DGKI: variants seen among roughly 807,000 people sequenced by gnomAD.
The protein encoded by DGKI is diacylglycerol kinase iota.
A neutral mutation model predicts 147.5 loss-of-function variants in DGKI; 55 were observed. The observed-to-expected ratio is 0.37, with a 90% confidence interval of 0.30 to 0.47. The LOEUF (loss-of-function observed/expected upper bound fraction) is 0.47, where lower values mean the gene tolerates loss of function less well. DGKI is among the 20% of genes least tolerant of loss of function. The pLI is 1.00. For missense variants in DGKI, 1,007 were observed against 1,323.8 expected (o/e 0.76, Z 3.71); for synonymous variants, 469 against 477.1 (o/e 0.98, Z 0.22).
intron 2 of DGKI, among the ~76,000 whole-genome samples, chr7:137,689,667 T>C (rs1168580121): frequency 1.3e-5 from 2 of 152,226 alleles, no homozygotes; most frequent in Non-Finnish European, 2.9e-5. Flanking sequence ...ATACTTCAAA[T>C]GATTCAGGAA....
chr7:137,412,181 C>T lies in DGKI; in HGVS notation c.2788G>A (p.Asp930Asn). 1 of 1,613,990 alleles carries T rather than the reference C, an allele frequency of 6.2e-7. No homozygotes were observed. Among genetic ancestry groups the T allele is most frequent in the Non-Finnish European group, 8.5e-7 (1 of 1,179,874 alleles). The change falls in exon 29 of 33, where the codon GAT (aspartate) becomes AAT (asparagine). Residue 930 changes from aspartate to asparagine, a missense_variant. Asp to Asn is a conservative substitution (Grantham distance 23). Transcript: ENST00000614521. ...GGAAGATATCTTACCTTCATAAGATCACCAGCTATTACTGCCTGCAAAATT... is the reference window on the plus strand; with the variant it reads ...GGAAGATATCTTACCTTCATAAGATTACCAGCTATTACTGCCTGCAAAATT... ...HAILQAVIAG[D>N]LMKLIESYKN...
At chr7:137,784,548 C>T (rs1383676127) in intron 1 of DGKI, among the ~76,000 whole-genome samples, 2 of 152,100 alleles carry the variant, frequency 1.3e-5, no homozygotes, top group Non-Finnish European at 2.9e-5. Context: ...ACTCCACTGA[C>T]AGCACTAGAC....
chr7:137,777,002 C>G (rs955528374), intron 1 of DGKI, among the ~76,000 whole-genome samples: 1 of 151,928 alleles, frequency 6.6e-6, no homozygotes, highest in African/African-American at 2.4e-5. Context: ...CTGGGAAACA[C>G]AGCAAGACCC....
intron 1 of DGKI, among the ~76,000 whole-genome samples, chr7:137,811,378 TCTCTCTCACA>T: frequency 9.8e-6 from 1 of 102,338 alleles, no homozygotes; most frequent in African/African-American, 3.6e-5. Context: ...TCTCTCTCTC[TCTCTCTCACA>T]CACACACACA....
At chr7:137,495,060 A>C (rs1815911872) in intron 21 of DGKI, among the ~76,000 whole-genome samples, 1 of 152,152 alleles carries the variant, frequency 6.6e-6, no homozygotes, top group African/African-American at 2.4e-5. Context: ...GAACAACATT[A>C]CATAATGGTA....
rs1325769784 is a variant in DGKI, at chr7:137,386,121, T to C, written c.*5099A>G. On this transcript the variant is annotated 3_prime_UTR_variant, in exon 33 of 33. Coordinates refer to ENST00000614521, the MANE Select transcript of DGKI (RefSeq NM_001321708.2). ...GAAGATACCATTCAATTTTCACGTT[T>C]CTATTTTAAAATCCATGCTACAAGA... 5 of 152,134 alleles carry C rather than the reference T, an allele frequency of 3.3e-5. No individual in the cohort carries two copies. The East Asian group carries it at 9.6e-4, about 29-fold the overall frequency. 9.4% of individuals were successfully genotyped at this position (152,134 alleles called of 1,614,324 possible). A position where few individuals can be genotyped will look rare whatever the true frequency, so the allele number is the denominator to read the frequency against.
At chr7:137,480,586 C>A (rs540645858) in intron 23 of DGKI, among the ~76,000 whole-genome samples, 1 of 145,834 alleles carries the variant, frequency 6.9e-6, no homozygotes, top group African/African-American at 2.7e-5. Context: ...TCCGATCTGA[C>A]CAAGAGGTTG....
chr7:137,757,977 T>C (rs1795740374), intron 1 of DGKI, among the ~76,000 whole-genome samples: 1 of 152,242 alleles, frequency 6.6e-6, no homozygotes, highest in Non-Finnish European at 1.5e-5. Context: ...TCAGTCTTCT[T>C]AATGTTTTCT....
chr7:137,724,725 GTTTAAGATGCCTACAAGAC>G (rs1326929727), intron 1 of DGKI, among the ~76,000 whole-genome samples: 1 of 152,188 alleles, frequency 6.6e-6, no homozygotes, highest in African/African-American at 2.4e-5. Context: ...AACAAATTGA[GTTTAAGATGCCTACAAGAC>G]TTCTAAGCAG....
intron 1 of DGKI, among the ~76,000 whole-genome samples, chr7:137,821,162 A>G (rs1797885790): frequency 1.3e-5 from 2 of 152,224 alleles, no homozygotes; most frequent in South Asian, 4.1e-4. Flanking sequence ...GAAAACTGGG[A>G]GAACACAGGC....
chr7:137,418,860 C>T (rs1404470783), intron 28 of DGKI, among the ~76,000 whole-genome samples: 2 of 152,316 alleles, frequency 1.3e-5, no homozygotes, highest in East Asian at 3.9e-4. Flanking sequence ...GTTCTGTGAA[C>T]TTTTACTCCT....
chr7:137,577,355 C>T (rs1041431668), intron 16 of DGKI, 71 bp from the exon 17 acceptor site: 1 of 1,096,374 alleles, frequency 9.1e-7, no homozygotes, highest in South Asian at 1.4e-5. Flanking sequence ...GCTTCCATAT[C>T]CTAGATTCCA....
chr7:137,758,557 G>C (rs1447988440), intron 1 of DGKI, among the ~76,000 whole-genome samples: 2 of 152,014 alleles, frequency 1.3e-5, no homozygotes, highest in East Asian at 3.9e-4. Flanking sequence ...ATGATGGTGA[G>C]TGCCTGTAAT....
At chr7:137,428,977 C>G (rs1168356345) in intron 28 of DGKI, among the ~76,000 whole-genome samples, 1 of 151,982 alleles carries the variant, frequency 6.6e-6, no homozygotes, top group African/African-American at 2.4e-5. Flanking sequence ...GCCATACTGC[C>G]CAAGGTAATT....
At chr7:137,678,304 T>G (rs1823107374) in intron 3 of DGKI, among the ~76,000 whole-genome samples, 9 of 152,134 alleles carry the variant, frequency 5.9e-5, no homozygotes, top group Admixed American at 5.9e-4. Context: ...CAACCTACCC[T>G]GGGCATCATT....
rs758652473 is a variant in DGKI, at chr7:137,404,856, G to A, written c.2920+3019C>T. Among the ~76,000 whole-genome samples, 7 of 152,242 alleles carry A rather than the reference G, an allele frequency of 4.6e-5. No homozygotes were observed. In the South Asian group the frequency reaches 1.2e-3, roughly 27 times the overall value. On this transcript the variant is annotated intron_variant, in intron 30 of 32. Coordinates refer to ENST00000614521, the MANE Select transcript of DGKI (RefSeq NM_001321708.2). ...TCAGTCTTGCAAGAGTCAATGCGGG[G>A]TGATGAGAAACTGATTTGTATTGGA...
At chr7:137,662,308 A>G (rs1029916955) in intron 3 of DGKI, among the ~76,000 whole-genome samples, 1 of 133,518 alleles carries the variant, frequency 7.5e-6, no homozygotes, top group Non-Finnish European at 1.5e-5. Context: ...CAGTGGCGGG[A>G]TCTCGGCTCA....
chr7:137,431,788 A>C (rs1302326259), intron 28 of DGKI, among the ~76,000 whole-genome samples: 3 of 152,162 alleles, frequency 2.0e-5, no homozygotes, highest in Admixed American at 6.5e-5. Flanking sequence ...CCAGGGGGAA[A>C]CCCAGGCCTG....
chr7:137,723,785 C>T (rs148001348), intron 1 of DGKI, among the ~76,000 whole-genome samples: 76 of 140,624 alleles, frequency 5.4e-4, no homozygotes, highest in African/African-American at 2.0e-3. Flanking sequence ...TCTTGGCTCA[C>T]TGCAAACTCC....
Sources: allele counts gnomAD v4.1 joint callset (sites outside exome capture counted in the v4.1 genomes callset), GRCh38; gene constraint gnomAD v4.1.1; transcripts MANE v1.5; gene names NCBI Gene and HGNC (gene_info 2026-07-23, HGNC 2026-07-21).